LRRC4C: variants seen among roughly 807,000 people sequenced by gnomAD.
LRRC4C encodes leucine-rich repeat-containing protein 4C.
In LRRC4C, 5 loss-of-function variants were observed where a neutral mutation model predicts 33.6. The ratio of observed to expected loss-of-function variants is 0.15; its 90% CI spans 0.08 to 0.31. The LOEUF is 0.31. Ranked by LOEUF, LRRC4C falls within the 10% of genes least tolerant of loss-of-function variation. The pLI is 1.00. For missense variants in LRRC4C, 560 were observed against 796.7 expected, an observed-to-expected ratio of 0.70 and a Z score of 3.58; for synonymous variants, 329 against 302.0, an observed-to-expected ratio of 1.09 and a Z score of -0.93.
At chr11:41,097,902 G>A (rs1590563593) in intron 1 of LRRC4C, among the ~76,000 whole-genome samples, 1 of 151,962 alleles carries the variant, frequency 6.6e-6, no homozygotes, top group Non-Finnish European at 1.5e-5. Context: ...ACACCCCCAT[G>A]CCCTGACAGG....
At chr11:40,695,710 C>T (rs1945468365) in intron 2 of LRRC4C, among the ~76,000 whole-genome samples, 2 of 151,976 alleles carry the variant, frequency 1.3e-5, no homozygotes, top group African/African-American at 4.8e-5. Context: ...TCCCACATAG[C>T]TCCCTTCCAT....
chr11:41,453,860 C>T (rs1175819475), intron 1 of LRRC4C, among the ~76,000 whole-genome samples: 1 of 152,022 alleles, frequency 6.6e-6, no homozygotes, highest in African/African-American at 2.4e-5. Flanking sequence ...TGCAAAGCTT[C>T]AACCACAAAT....
chr11:40,701,531 T>C (rs1021153340), intron 2 of LRRC4C, among the ~76,000 whole-genome samples: 1 of 151,590 alleles, frequency 6.6e-6, no homozygotes, highest in Admixed American at 6.6e-5. Flanking sequence ...CGTGTGGGCA[T>C]TTCCATGTCA....
intron 2 of LRRC4C, among the ~76,000 whole-genome samples, chr11:40,720,410 CCTA>C (rs1359371153): frequency 2.0e-5 from 3 of 152,178 alleles, no homozygotes; most frequent in African/African-American, 4.8e-5. Context: ...AGGCCTGATT[CCTA>C]CTGTATAGTC....
chr11:40,522,309 C>T (rs552067800), intron 3 of LRRC4C, among the ~76,000 whole-genome samples: 4 of 152,338 alleles, frequency 2.6e-5, no homozygotes, highest in South Asian at 2.1e-4. Flanking sequence ...GAATTATAGG[C>T]GTGAGCCCTG....
chr11:40,887,622 C>T (rs368920566), intron 2 of LRRC4C, among the ~76,000 whole-genome samples: 5 of 151,998 alleles, frequency 3.3e-5, no homozygotes, highest in Admixed American at 2.0e-4. Context: ...CTTAGATTGA[C>T]GAATACATTG....
In LRRC4C at chr11:40,402,575, C is replaced by T. The variant is rs370460169; in HGVS notation, c.-269-82854G>A. The stretch of plus-strand genomic sequence containing the variant: ...TTATATGAATTCACTTGGGCAAATG[C>T]CAAATTAGAAGCATAAACCTTTCTT... On this transcript the variant is annotated intron_variant, in intron 3 of 6. Transcript: ENST00000528697. Among the ~76,000 whole-genome samples the T allele has an allele frequency of 1.4e-4, 21 of 152,132 alleles. No homozygotes were observed. The East Asian group carries it at 3.3e-3, about 24-fold the overall frequency.
chr11:41,021,541 A>C (rs1299547899), intron 1 of LRRC4C, among the ~76,000 whole-genome samples: 1 of 152,056 alleles, frequency 6.6e-6, no homozygotes, highest in Non-Finnish European at 1.5e-5. Context: ...AATACACAAA[A>C]CTCAAATTAC....
chr11:40,382,683 C>CTTTTTTTTTTTTT (rs1590541837), intron 3 of LRRC4C, among the ~76,000 whole-genome samples: 3 of 113,300 alleles, frequency 2.6e-5, no homozygotes, highest in African/African-American at 1.1e-4. Flanking sequence ...AACTTGTACT[C>CTTTTTTTTTTTTT]ATTTTTTTTT....
chr11:41,118,048 G>A (rs1016734698), intron 1 of LRRC4C, among the ~76,000 whole-genome samples: 3 of 152,088 alleles, frequency 2.0e-5, no homozygotes, highest in Non-Finnish European at 4.4e-5. Flanking sequence ...CCCCTTCAAT[G>A]GTCATTCCTT....
chr11:40,850,085 A>G (rs1953406606), intron 2 of LRRC4C, among the ~76,000 whole-genome samples: 1 of 151,850 alleles, frequency 6.6e-6, no homozygotes, highest in African/African-American at 2.4e-5. Context: ...ATGCTCCTTT[A>G]GCTCAGAAGA....
chr11:40,362,660 T>A (rs929626619), intron 3 of LRRC4C, among the ~76,000 whole-genome samples: 1 of 152,084 alleles, frequency 6.6e-6, no homozygotes, highest in African/African-American at 2.4e-5. Flanking sequence ...GTGGAGGTTG[T>A]AGTGAGCTGA....
chr11:41,415,806 A>G (rs1366653618), intron 1 of LRRC4C, among the ~76,000 whole-genome samples: 1 of 152,138 alleles, frequency 6.6e-6, no homozygotes, highest in Non-Finnish European at 1.5e-5. Flanking sequence ...GATATGTTTC[A>G]ATGAAAACTT....
intron 3 of LRRC4C, among the ~76,000 whole-genome samples, chr11:40,341,763 A>G (rs1349873157): frequency 2.6e-5 from 4 of 152,242 alleles, no homozygotes; most frequent in Non-Finnish European, 5.9e-5. Context: ...GATAGTCATC[A>G]CAGTTGATAC....
chr11:40,270,410 T>C (rs1191404247), intron 4 of LRRC4C, among the ~76,000 whole-genome samples: 2 of 151,950 alleles, frequency 1.3e-5, no homozygotes, highest in Non-Finnish European at 2.9e-5. Context: ...AGATTTCCTC[T>C]TCTTAAAAGG....
At chr11:40,734,400 A>C (rs959604065) in intron 2 of LRRC4C, among the ~76,000 whole-genome samples, 1 of 152,114 alleles carries the variant, frequency 6.6e-6, no homozygotes, top group African/African-American at 2.4e-5. Context: ...CCTCCTGCTC[A>C]CCTTCCCTAA....
chr11:41,197,674 G>A (rs1385618212), intron 1 of LRRC4C, among the ~76,000 whole-genome samples: 1 of 151,844 alleles, frequency 6.6e-6, no homozygotes, highest in Non-Finnish European at 1.5e-5. Flanking sequence ...TTCCCTAATA[G>A]GTGATGAATT....
rs568564598 is a variant in LRRC4C at position 40,904,038 on chromosome 11, C to A, written c.-407+29597G>T. 2.0e-5 allele frequency among the ~76,000 whole-genome samples: 3 copies of A among 152,130 alleles called. No individual in the cohort carries two copies. The South Asian group carries it at 6.2e-4, about 32-fold the overall frequency. Reference sequence around the variant, plus strand: ...AGAGAACTAGAACTGGAAGTGGAGCCTGAAGATTGGACTGAATTGCTGCAA... The same window carrying A: ...AGAGAACTAGAACTGGAAGTGGAGCATGAAGATTGGACTGAATTGCTGCAA... On this transcript the variant is annotated intron_variant, in intron 2 of 6. Transcript: ENST00000528697.
At chr11:40,553,262 A>ACTCT (rs972123291) in intron 3 of LRRC4C, among the ~76,000 whole-genome samples, 1 of 137,632 alleles carries the variant, frequency 7.3e-6, no homozygotes. Context: ...ACAGAGTGAG[A>ACTCT]CTCTGTCTAA....
Sources: gnomAD v4.1 joint callset for allele counts (sites outside exome capture counted in the v4.1 genomes callset) on GRCh38, gnomAD v4.1.1 for gene constraint, MANE v1.5 for transcripts, NCBI Gene and HGNC (gene_info 2026-07-23, HGNC 2026-07-21) for gene names.